The following SUSD6 variants were observed in gnomAD, a reference collection of about 807,000 sequenced individuals.
The protein encoded by SUSD6 is sushi domain-containing protein 6.
SUSD6 carries 16 observed loss-of-function variants against 28.4 expected under a neutral mutation model. The observed-to-expected ratio is 0.56, with a 90% CI of 0.38 to 0.86. SUSD6 has a LOEUF of 0.86. SUSD6 is among the 40% of genes least tolerant of loss of function. SUSD6 has a pLI of 0.00. For synonymous variants in SUSD6, 147 were observed against 159.6 expected (o/e 0.92, Z 0.59); for missense variants, 341 against 384.2 (o/e 0.89, Z 0.94).
intron 1 of SUSD6, among the ~76,000 whole-genome samples, chr14:69,620,872 G>T (rs927750882): frequency 6.6e-6 from 1 of 152,158 alleles, no homozygotes; most frequent in Non-Finnish European, 1.5e-5. Context: ...TGAGAAACTG[G>T]GAGAAGGGGA....
chr14:69,663,611 G>T (rs184506206), intron 2 of SUSD6, among the ~76,000 whole-genome samples: 2 of 152,174 alleles, frequency 1.3e-5, no homozygotes, highest in Non-Finnish European at 2.9e-5. Context: ...CTCTGTTATC[G>T]TTCCATATAA....
rs1886453219 is a variant in SUSD6, at chr14:69,710,942, G to A, written c.887-12G>A. ...AGGTAACCACTGTGCTTTTCTTCTG[G>A]TCTTCCTGCAGATATTCCACTGTTG... On this transcript the variant is annotated splice_polypyrimidine_tract_variant and intron_variant, in intron 5 of 5. Transcript: ENST00000342745. 1 of 1,613,862 alleles carries A rather than the reference G, an allele frequency of 6.2e-7. No homozygotes were observed. Among genetic ancestry groups the A allele is most frequent in the Non-Finnish European group, 8.5e-7 (1 of 1,179,918 alleles).
intron 2 of SUSD6, among the ~76,000 whole-genome samples, chr14:69,698,692 A>G (rs955872846): frequency 6.6e-6 from 1 of 152,156 alleles, no homozygotes; most frequent in African/African-American, 2.4e-5. Context: ...GGCTGAGGCG[A>G]CGGAGGTGGT....
At chr14:69,648,002 A>G (rs1317873353) in intron 1 of SUSD6, among the ~76,000 whole-genome samples, 1 of 152,116 alleles carries the variant, frequency 6.6e-6, no homozygotes, top group Non-Finnish European at 1.5e-5. Context: ...AAGAATCAGG[A>G]TATCAGGATT....
At position 69,708,694 on chromosome 14, in the gene SUSD6, C is replaced by T. The variant is rs957962134; in HGVS notation, c.476C>T (p.Ser159Phe). The change falls in exon 5 of 6, where the codon TCT becomes TTT. Residue 159 changes from serine (S) to phenylalanine (F), a missense_variant. By Grantham distance (155) the Ser-to-Phe change is radical. Coordinates refer to ENST00000342745, the MANE Select transcript of SUSD6 (RefSeq NM_014734.4). ...FHHSRRDQGV[S>F]GDQVSIMVDG... The stretch of plus-strand genomic sequence containing the variant: ...CACTCCAGGCGTGACCAGGGGGTAT[C>T]TGGGGACCAGGTCTCCATCATGGTG... 3.8e-6 allele frequency: 6 copies of T among 1,582,952 alleles called. No homozygotes were observed. The highest frequency in any genetic ancestry group is 1.3e-5 in the African/African-American group (1 of 74,186).
rs1413399229 is a variant in SUSD6 at position 69,611,816 on chromosome 14, C to T, written c.-93C>T. On this transcript the variant is annotated 5_prime_UTR_variant, in exon 1 of 6. Coordinates refer to ENST00000342745, the MANE Select transcript of SUSD6 (RefSeq NM_014734.4). ...TGAGCGCCCCCATCCCGGAGGTCTCCGCCGGCTCCCGGGTGAGTTGTCACC... is the reference window on the plus strand; with the variant it reads ...TGAGCGCCCCCATCCCGGAGGTCTCTGCCGGCTCCCGGGTGAGTTGTCACC... 2 of 151,696 alleles carry T rather than the reference C, an allele frequency of 1.3e-5. No homozygotes were observed. The highest frequency in any genetic ancestry group is 2.9e-5 in the Non-Finnish European group (2 of 67,846). 9.4% of individuals were successfully genotyped at this position (151,696 alleles called of 1,614,324 possible). A position where few individuals can be genotyped will look rare whatever the true frequency, so the allele number is the denominator to read the frequency against.
rs777052834 is a variant in SUSD6 at position 69,708,667 on chromosome 14, T to G, written c.459-10T>G. The stretch of plus-strand genomic sequence containing the variant: ...TAATTCATCCTTTGTCTTTTCCTCC[T>G]CCACTCCAGGCGTGACCAGGGGGTA... On this transcript the variant is annotated splice_polypyrimidine_tract_variant and intron_variant, in intron 4 of 5. Coordinates refer to ENST00000342745, the MANE Select transcript of SUSD6 (RefSeq NM_014734.4). The G allele has an allele frequency of 4.6e-6, 7 of 1,531,132 alleles. No homozygotes were observed. The East Asian group carries it at 1.1e-4, about 25-fold the overall frequency. The allele number at this position is 1,531,132 out of a possible 1,614,324, so 94.8% of individuals were successfully genotyped here.
intron 4 of SUSD6, among the ~76,000 whole-genome samples, chr14:69,705,415 C>T (rs1021944019): frequency 5.3e-5 from 8 of 152,066 alleles, no homozygotes; most frequent in East Asian, 1.9e-4. Flanking sequence ...GTTCCAGCAG[C>T]GTCAGGATCA....
chr14:69,679,751 AT>A (rs1294006102), intron 2 of SUSD6, among the ~76,000 whole-genome samples: 1 of 152,134 alleles, frequency 6.6e-6, no homozygotes, highest in African/African-American at 2.4e-5. Flanking sequence ...TACTATGTCA[AT>A]TTTTAAAATA....
intron 2 of SUSD6, among the ~76,000 whole-genome samples, chr14:69,703,165 G>T (rs535987028): frequency 9.2e-5 from 14 of 152,332 alleles, no homozygotes; most frequent in African/African-American, 3.4e-4. Flanking sequence ...TTAAGGCATG[G>T]TGGGGAGGGA....
intron 2 of SUSD6, among the ~76,000 whole-genome samples, chr14:69,688,864 T>G (rs575239533): frequency 1.6e-4 from 25 of 152,228 alleles, no homozygotes; most frequent in Non-Finnish European, 2.6e-4. Flanking sequence ...AGAAGTGTCC[T>G]TAAAATCTCA....
intron 1 of SUSD6, among the ~76,000 whole-genome samples, chr14:69,642,369 G>C (rs1344010445): frequency 6.6e-6 from 1 of 152,156 alleles, no homozygotes; most frequent in Non-Finnish European, 1.5e-5. Flanking sequence ...TGCCTTGGCT[G>C]GTGGGAGCAT....
chr14:69,691,247 G>C (rs1441970256), intron 2 of SUSD6, among the ~76,000 whole-genome samples: 5 of 152,180 alleles, frequency 3.3e-5, no homozygotes, highest in Admixed American at 1.3e-4. Flanking sequence ...AGAGGCTGAG[G>C]CATGAGAATT....
chr14:69,636,341 G>A (rs770358609), intron 1 of SUSD6, among the ~76,000 whole-genome samples: 16 of 152,332 alleles, frequency 1.1e-4, no homozygotes, highest in Non-Finnish European at 2.1e-4. Flanking sequence ...CTTACCTCCT[G>A]AGGTGAGACC....
At chr14:69,677,318 G>T (rs1187321519) in intron 2 of SUSD6, among the ~76,000 whole-genome samples, 1 of 152,178 alleles carries the variant, frequency 6.6e-6, no homozygotes, top group Non-Finnish European at 1.5e-5. Context: ...GGCCGAGGCG[G>T]GTGGATCACA....
chr14:69,667,362 C>T (rs569476225), intron 2 of SUSD6, among the ~76,000 whole-genome samples: 68 of 142,256 alleles, frequency 4.8e-4, no homozygotes, highest in African/African-American at 1.7e-3. Flanking sequence ...CATGGTTGCT[C>T]ACAGTTTCTT....
At chr14:69,673,818 G>A (rs1442579184) in intron 2 of SUSD6, among the ~76,000 whole-genome samples, 1 of 152,166 alleles carries the variant, frequency 6.6e-6, no homozygotes, top group African/African-American at 2.4e-5. Flanking sequence ...CCCTAGCACT[G>A]CCTCTAATGG....
chr14:69,673,669 G>C (rs111897847), intron 2 of SUSD6, among the ~76,000 whole-genome samples: 15 of 152,264 alleles, frequency 9.9e-5, no homozygotes, highest in African/African-American at 3.4e-4. Flanking sequence ...GTGAGCCCCG[G>C]GGCTGGATCA....
chr14:69,649,943 C>T (rs971397681), intron 1 of SUSD6, among the ~76,000 whole-genome samples: 4 of 152,176 alleles, frequency 2.6e-5, no homozygotes, highest in African/African-American at 9.7e-5. Flanking sequence ...CTAATTCCAC[C>T]TATTTAATGA....
Sources: gnomAD v4.1 joint callset for allele counts (sites outside exome capture counted in the v4.1 genomes callset) on GRCh38, gnomAD v4.1.1 for gene constraint, MANE v1.5 for transcripts, NCBI Gene and HGNC (gene_info 2026-07-23, HGNC 2026-07-21) for gene names.